PAG1: variants seen among roughly 807,000 people sequenced by gnomAD.
PAG1 encodes phosphoprotein membrane anchor with glycosphingolipid microdomains 1, also known as phosphoprotein associated with glycosphingolipid-enriched microdomains 1.
A neutral mutation model predicts 31.7 loss-of-function variants in PAG1; 23 were observed. The observed-to-expected ratio is 0.73, with a 90% CI of 0.52 to 1.03. The LOEUF (loss-of-function observed/expected upper bound fraction) is 1.03, where lower values mean the gene tolerates loss of function less well. Ranked by LOEUF, PAG1 falls within the 50% of genes least tolerant of loss-of-function variation. PAG1 has a pLI of 0.00. For missense variants in PAG1, 473 were observed against 540.7 expected (o/e 0.87, Z 1.24); for synonymous variants, 214 against 210.3 (o/e 1.02, Z -0.15).
At position 80,975,439 on chromosome 8, in the gene PAG1, T is replaced by G. The variant is rs946047618; in HGVS notation, c.*1105A>C. ...CTAATATACATTTTTTTCTGGCACT[T>G]TTGAGAAATTAGGCATTGAACATAA... On this transcript the variant is annotated 3_prime_UTR_variant, in exon 9 of 9. Transcript: ENST00000220597. 2 of 152,232 alleles carry G rather than the reference T, an allele frequency of 1.3e-5. No homozygotes were observed. Among genetic ancestry groups the G allele is most frequent in the African/African-American group, 4.8e-5 (2 of 41,460 alleles). 9.4% of individuals were successfully genotyped at this position (152,232 alleles called of 1,614,324 possible). A position where few individuals can be genotyped will look rare whatever the true frequency, so the allele number is the denominator to read the frequency against.
intron 1 of PAG1, among the ~76,000 whole-genome samples, chr8:81,105,069 C>T (rs1586222896): frequency 6.6e-6 from 1 of 152,038 alleles, no homozygotes; most frequent in African/African-American, 2.4e-5. Context: ...TTTCTCCCTG[C>T]CCACTCCCAC....
At chr8:81,078,655 C>T (rs145661557) in intron 1 of PAG1, among the ~76,000 whole-genome samples, 1 of 152,264 alleles carries the variant, frequency 6.6e-6, no homozygotes, top group East Asian at 1.9e-4. Flanking sequence ...TGACTCCATA[C>T]ACTAAGGGAC....
At chr8:81,080,162 A>C (rs977382037) in intron 1 of PAG1, among the ~76,000 whole-genome samples, 1 of 152,172 alleles carries the variant, frequency 6.6e-6, no homozygotes, top group Non-Finnish European at 1.5e-5. Flanking sequence ...TGACGAACAC[A>C]GTGACTGCGC....
At chr8:81,072,472 C>A (rs892010625) in intron 1 of PAG1, among the ~76,000 whole-genome samples, 22 of 152,302 alleles carry the variant, frequency 1.4e-4, no homozygotes, top group African/African-American at 4.8e-4. Context: ...CTCCAGACTT[C>A]AACAAATATC....
At chr8:80,979,741 T>C (rs549165225) in intron 8 of PAG1, among the ~76,000 whole-genome samples, 1 of 152,200 alleles carries the variant, frequency 6.6e-6, no homozygotes, top group South Asian at 2.1e-4. Context: ...TACAGCTAGA[T>C]CAATTAAGGT....
chr8:81,004,694 C>A (rs1563625676), intron 3 of PAG1, among the ~76,000 whole-genome samples: 1 of 152,216 alleles, frequency 6.6e-6, no homozygotes, highest in Non-Finnish European at 1.5e-5. Context: ...GCACTAGAAA[C>A]AACATTTAAT....
intron 2 of PAG1, among the ~76,000 whole-genome samples, chr8:81,030,788 C>T (rs940122023): frequency 6.6e-6 from 1 of 152,208 alleles, no homozygotes; most frequent in African/African-American, 2.4e-5. Context: ...CTCTAGTTCT[C>T]TTCCCATCCT....
chr8:81,019,843 A>T (rs1808132048), intron 3 of PAG1, among the ~76,000 whole-genome samples: 1 of 152,156 alleles, frequency 6.6e-6, no homozygotes, highest in South Asian at 2.1e-4. Flanking sequence ...AGATCCACTG[A>T]CAGCTTGCCC....
rs368994483 is a variant in PAG1, at chr8:80,982,309, AC to A, written c.877-1816del. ...CACAGAGACTGCTCTTGTCAAGGGC[AC>A]CAATGAGACTCGCCTTCCCTGACCT... On this transcript the variant is annotated intron_variant, in intron 7 of 8. Transcript: ENST00000220597. 2.0e-3 allele frequency among the ~76,000 whole-genome samples: 304 copies of A among 152,080 alleles called. 2 individuals carry two copies. Among genetic ancestry groups the A allele is most frequent in the Middle Eastern group, 0.014 (4 of 294 alleles).
chr8:80,984,718 C>T, intron 7 of PAG1, 58 bp downstream of exon 7: 1 of 1,521,328 alleles, frequency 6.6e-7, no homozygotes, highest in Non-Finnish European at 8.9e-7. Context: ...CCAGGGCCAG[C>T]TAGATTCCTA....
At chr8:81,044,955 GCC>G (rs1233349990) in intron 2 of PAG1, among the ~76,000 whole-genome samples, 1 of 152,132 alleles carries the variant, frequency 6.6e-6, no homozygotes, top group Non-Finnish European at 1.5e-5. Flanking sequence ...CCTTGTAAGT[GCC>G]CCCTATGCTG....
intron 3 of PAG1, among the ~76,000 whole-genome samples, chr8:81,007,467 C>CAAAAAAA (rs10563214): frequency 7.0e-5 from 9 of 128,512 alleles, no homozygotes; most frequent in African/African-American, 1.2e-4. Flanking sequence ...TACAAAAATA[C>CAAAAAAA]AAAAAAAAAA....
At chr8:81,103,851 A>G (rs1396548259) in intron 1 of PAG1, among the ~76,000 whole-genome samples, 8 of 152,316 alleles carry the variant, frequency 5.3e-5, no homozygotes, top group South Asian at 4.1e-4. Flanking sequence ...TATGCCCGCT[A>G]TGGGGAACTG....
intron 3 of PAG1, among the ~76,000 whole-genome samples, chr8:81,026,270 C>T (rs1043879023): frequency 3.3e-5 from 5 of 151,496 alleles, no homozygotes; most frequent in Admixed American, 6.6e-5. Context: ...ATCGCTTGAA[C>T]CTGGGAAGCA....
intron 3 of PAG1, among the ~76,000 whole-genome samples, chr8:81,012,138 T>G (rs1807996685): frequency 6.6e-6 from 1 of 152,220 alleles, no homozygotes; most frequent in Non-Finnish European, 1.5e-5. Flanking sequence ...GTGGACTCAT[T>G]ATAGCCTGGG....
Position 81,052,283 on chromosome 8 carries a change from G to A in PAG1, c.-175+17829C>T, listed in dbSNP as rs185448471. The stretch of plus-strand genomic sequence containing the variant: ...ATTTTTATGTGATACTCTGTGTCGA[G>A]ACTTTAAGTGCCACCTCTAGCTTAG... On this transcript the variant is annotated intron_variant, in intron 2 of 8. Transcript: ENST00000220597. Among the ~76,000 whole-genome samples, 17 of 152,200 alleles carry A rather than the reference G, an allele frequency of 1.1e-4. No individual in the cohort carries two copies. The East Asian group carries it at 3.3e-3, about 29-fold the overall frequency.
At chr8:81,037,176 C>T (rs1808475247) in intron 2 of PAG1, 1 of 152,194 alleles carries the variant, frequency 6.6e-6, no homozygotes, top group East Asian at 1.9e-4. Context: ...ATCTCCTTTC[C>T]AAGAGGACCA....
At position 80,985,074 on chromosome 8, in the gene PAG1, G is replaced by A. The variant is rs1807388165; in HGVS notation, c.578C>T (p.Ala193Val). Residue 193 changes from alanine (A) to valine (V), a missense_variant, in exon 7 of 9, where the codon GCT (alanine) becomes GTT (valine). By Grantham distance (64) the Ala-to-Val change is moderately conservative. Transcript: ENST00000220597. ...TVKEIKEVAAAAHLEKGHSGK... is the reference protein window; with the variant it reads ...TVKEIKEVAAVAHLEKGHSGK... ...ACTGTGGCCTTTCTCCAGGTGTGCA[G>A]CTGCAGCCACCTCCTTGATCTCTTT... is the stretch of plus-strand genomic sequence containing the variant. The A allele has an allele frequency of 6.2e-7, 1 of 1,614,124 alleles. No individual in the cohort carries two copies.
chr8:81,014,556 G>A (rs956647546), intron 3 of PAG1, among the ~76,000 whole-genome samples: 3 of 152,072 alleles, frequency 2.0e-5, no homozygotes, highest in East Asian at 1.9e-4. Flanking sequence ...ATTTATATTT[G>A]TTTTTCTTTT....
Sources: gnomAD v4.1 joint callset for allele counts (sites outside exome capture counted in the v4.1 genomes callset) on GRCh38, gnomAD v4.1.1 for gene constraint, MANE v1.5 for transcripts, NCBI Gene and HGNC (gene_info 2026-07-23, HGNC 2026-07-21) for gene names.